The following SUSD1 variants were observed in gnomAD, a reference collection of about 807,000 sequenced individuals.
SUSD1 encodes the protein sushi domain containing 1.
In SUSD1, 65 loss-of-function variants were observed where a neutral mutation model predicts 86.9. The ratio of observed to expected loss-of-function variants is 0.75; its 90% CI spans 0.61 to 0.92. The LOEUF is 0.92. Ranked by LOEUF, SUSD1 falls within the 40% of genes least tolerant of loss-of-function variation. SUSD1 has a pLI of 0.00. For missense variants in SUSD1, 850 were observed against 929.7 expected (o/e 0.91, Z 1.11); for synonymous variants, 346 against 350.0 (o/e 0.99, Z 0.13).
chr9:112,079,163 T>C (rs1829658273), intron 11 of SUSD1, among the ~76,000 whole-genome samples: 1 of 152,076 alleles, frequency 6.6e-6, no homozygotes, highest in African/African-American at 2.4e-5. Flanking sequence ...TGGACTCTAA[T>C]GTTTCTTCAA....
chr9:112,090,953 C>T (rs954011452), intron 10 of SUSD1, among the ~76,000 whole-genome samples: 2 of 152,118 alleles, frequency 1.3e-5, no homozygotes, highest in Non-Finnish European at 2.9e-5. Flanking sequence ...CCACTTAGAA[C>T]CCATTTAGCT....
intron 1 of SUSD1, among the ~76,000 whole-genome samples, chr9:112,165,407 CTTT>C (rs34075174): frequency 1.6e-4 from 19 of 119,468 alleles, no homozygotes; most frequent in African/African-American, 4.2e-4. Context: ...GTCTTTGACA[CTTT>C]TTTTTTTTTT....
Position 112,052,389 on chromosome 9 carries a change from A to G in SUSD1, c.2149+10T>C, listed in dbSNP as rs1029374230. ...TAAGGACAGCATTCATAGGCAGAAA[A>G]TAATTTTACCTTTCACCTGAGCCCA... is the stretch of plus-strand genomic sequence containing the variant. On this transcript the variant is annotated intron_variant, in intron 15 of 16. Coordinates refer to ENST00000374270, the MANE Select transcript of SUSD1 (RefSeq NM_022486.5). 12 of 1,613,926 alleles carry G rather than the reference A, an allele frequency of 7.4e-6. No individual in the cohort carries two copies. In the African/African-American group the frequency reaches 1.6e-4, roughly 22 times the overall value.
chr9:112,072,182 A>T (rs1829313729), intron 12 of SUSD1, among the ~76,000 whole-genome samples: 1 of 111,102 alleles, frequency 9.0e-6, no homozygotes, highest in Non-Finnish European at 1.7e-5. Context: ...ACGGAGTCTC[A>T]CTCTGTTGTC....
At position 112,053,726 on chromosome 9, in the gene SUSD1, G is replaced by A. The variant is rs1048413516; in HGVS notation, c.2110-1288C>T. 2.6e-5 allele frequency among the ~76,000 whole-genome samples: 4 copies of A among 152,196 alleles called. No individual in the cohort carries two copies. In the South Asian group the frequency reaches 8.3e-4, roughly 31 times the overall value. Reference sequence around the variant, plus strand: ...TTTGGGGGAATGGAGTATATCAAAGGAGAGAAACTGGCAGGGGCCAGGTGA... The same window carrying A: ...TTTGGGGGAATGGAGTATATCAAAGAAGAGAAACTGGCAGGGGCCAGGTGA... On this transcript the variant is annotated intron_variant, in intron 14 of 16. Transcript: ENST00000374270.
At chr9:112,169,945 G>C (rs1365478445) in intron 1 of SUSD1, among the ~76,000 whole-genome samples, 1 of 152,138 alleles carries the variant, frequency 6.6e-6, no homozygotes, top group Non-Finnish European at 1.5e-5. Context: ...AAAGTGCTGG[G>C]ATTATAGGTG....
At chr9:112,074,860 T>C (rs1292868309) in intron 12 of SUSD1, among the ~76,000 whole-genome samples, 1 of 151,778 alleles carries the variant, frequency 6.6e-6, no homozygotes, top group African/African-American at 2.4e-5. Flanking sequence ...TTCTTTAAAA[T>C]TACGAGTCCT....
At chr9:112,153,216 G>A (rs1029218936) in intron 2 of SUSD1, among the ~76,000 whole-genome samples, 1 of 150,208 alleles carries the variant, frequency 6.7e-6, no homozygotes, top group Admixed American at 6.7e-5. Flanking sequence ...GTAGTGGGCC[G>A]AGATCACACC....
intron 6 of SUSD1, among the ~76,000 whole-genome samples, chr9:112,114,220 C>T (rs1047303016): frequency 2.6e-5 from 4 of 152,122 alleles, no homozygotes; most frequent in Admixed American, 6.6e-5. Flanking sequence ...CAATAGCTCA[C>T]GCCTGTAATC....
At chr9:112,156,844 G>A (rs1174141744) in intron 2 of SUSD1, among the ~76,000 whole-genome samples, 1 of 152,196 alleles carries the variant, frequency 6.6e-6, no homozygotes, top group Admixed American at 6.6e-5. Flanking sequence ...GAGGAAATTG[G>A]AAGATTATTG....
chr9:112,077,856 A>G (rs1265280545), intron 12 of SUSD1, among the ~76,000 whole-genome samples: 1 of 152,132 alleles, frequency 6.6e-6, no homozygotes, highest in East Asian at 1.9e-4. Context: ...TATTCCTGAG[A>G]AAGAAAGAGC....
intron 2 of SUSD1, 24 bp downstream of exon 2, chr9:112,157,476 C>G (rs1564349618): frequency 6.5e-7 from 1 of 1,546,832 alleles, no homozygotes; most frequent in East Asian, 2.2e-5. Flanking sequence ...AGCTTTTCAA[C>G]TTAACCCAGA....
At chr9:112,167,621 G>C (rs139573419) in intron 1 of SUSD1, among the ~76,000 whole-genome samples, 1 of 152,186 alleles carries the variant, frequency 6.6e-6, no homozygotes, top group East Asian at 1.9e-4. Context: ...GGTTAGTTAC[G>C]ATCCTAGCTA....
At chr9:112,109,448 G>T (rs183444921) in intron 8 of SUSD1, among the ~76,000 whole-genome samples, 266 of 152,324 alleles carry the variant, frequency 1.7e-3, no homozygotes, top group African/African-American at 6.2e-3. Context: ...TAGACACTGA[G>T]TAAATGTGGA....
intron 2 of SUSD1, among the ~76,000 whole-genome samples, chr9:112,156,927 T>C (rs959335478): frequency 3.9e-5 from 6 of 152,188 alleles, no homozygotes; most frequent in African/African-American, 1.4e-4. Flanking sequence ...GGATATTGTC[T>C]GACTGTCATG....
In SUSD1 at chr9:112,094,846, A is replaced by G. The variant is rs1266725344; in HGVS notation, c.1474+3624T>C. 3.3e-5 allele frequency among the ~76,000 whole-genome samples: 5 copies of G among 152,216 alleles called. No individual in the cohort carries two copies. The East Asian group carries it at 9.6e-4, about 29-fold the overall frequency. On this transcript the variant is annotated intron_variant, in intron 10 of 16. Transcript: ENST00000374270. ...GATACTCTATAGTTAAAGAAATGTG[A>G]ACATGTTTAAAAAGAGAATCATCAG...
chr9:112,102,453 G>A (rs1466425148), intron 8 of SUSD1, among the ~76,000 whole-genome samples, 168 bp from the exon 9 acceptor site: 1 of 152,136 alleles, frequency 6.6e-6, no homozygotes, highest in Admixed American at 6.5e-5. Context: ...TGGCTCTCCA[G>A]CTTCTCAATT....
chr9:112,092,105 G>C (rs1434464764), intron 10 of SUSD1, among the ~76,000 whole-genome samples: 2 of 152,180 alleles, frequency 1.3e-5, no homozygotes, highest in Non-Finnish European at 2.9e-5. Context: ...ACAGTTGCTA[G>C]CTCAGTGACA....
chr9:112,087,296 C>T (rs531856994), intron 10 of SUSD1, among the ~76,000 whole-genome samples: 1 of 152,282 alleles, frequency 6.6e-6, no homozygotes, highest in East Asian at 1.9e-4. Context: ...ACTCTTCTGC[C>T]TCAGCCTCCT....
Sources: gnomAD v4.1 joint callset for allele counts (sites outside exome capture counted in the v4.1 genomes callset) on GRCh38, gnomAD v4.1.1 for gene constraint, MANE v1.5 for transcripts, NCBI Gene and HGNC (gene_info 2026-07-23, HGNC 2026-07-21) for gene names.